The following FAM171B variants were observed in gnomAD, a reference collection of about 807,000 sequenced individuals.
FAM171B encodes protein FAM171B.
Under a neutral mutation model 75.6 loss-of-function variants are expected in FAM171B, and 19 were observed. The ratio of observed to expected loss-of-function variants is 0.25; its 90% CI spans 0.18 to 0.37. The LOEUF is 0.37. Ranked by LOEUF, FAM171B falls within the 10% of genes least tolerant of loss-of-function variation. The probability of loss-of-function intolerance (pLI) is 1.00; values close to 1 mark genes in which losing one functional copy is unlikely to be tolerated. For missense variants in FAM171B, 848 were observed against 982.4 expected, an observed-to-expected ratio of 0.86 and a Z score of 1.83; for synonymous variants, 367 against 361.7, an observed-to-expected ratio of 1.01 and a Z score of -0.17.
intron 1 of FAM171B, among the ~76,000 whole-genome samples, chr2:186,725,206 T>C (rs1322318074): frequency 2.0e-5 from 3 of 152,068 alleles, no homozygotes; most frequent in East Asian, 3.9e-4. Context: ...TAGCCGGGCG[T>C]GGTGGCAGGC....
At chr2:186,750,664 T>C (rs1219710308) in intron 4 of FAM171B, among the ~76,000 whole-genome samples, 1 of 148,832 alleles carries the variant, frequency 6.7e-6, no homozygotes, top group Non-Finnish European at 1.5e-5. Flanking sequence ...GTGCAACTTT[T>C]AATCTGAATG....
Position 186,743,542 on chromosome 2 carries a change from G to A in FAM171B, c.532G>A (p.Glu178Lys). The A allele has an allele frequency of 1.2e-6, 2 of 1,612,866 alleles. No individual in the cohort carries two copies. The highest frequency in any genetic ancestry group is 1.7e-6 in the Non-Finnish European group (2 of 1,179,124). The change falls in exon 3 of 8, where the codon GAA becomes AAA. Residue 178 changes from glutamate to lysine, a missense_variant. Physicochemically the swap from Glu to Lys is moderately conservative, Grantham distance 56. Transcript: ENST00000304698. ...AAGCCAAGCAAATATATGGCTATTT[G>A]AAGACACTGTTTTAATTACTGGAAA... is the stretch of plus-strand genomic sequence containing the variant. ...PQSQANIWLF[E>K]DTVLITGKLA...
At chr2:186,695,235 C>T (rs1574516290) in intron 1 of FAM171B, 1 of 152,178 alleles carries the variant, frequency 6.6e-6, no homozygotes, top group Non-Finnish European at 1.5e-5. Context: ...GTATAGGTGG[C>T]TGTAACAGTT....
rs1187889762 is a variant in FAM171B, at chr2:186,694,315, C to CAGT, written c.144_145insTAG (p.Gln48_Gln49insTer). 2 of 1,597,024 alleles carry CAGT rather than the reference C, an allele frequency of 1.3e-6. No individual in the cohort carries two copies. Among genetic ancestry groups the CAGT allele is most frequent in the African/African-American group, 2.9e-5 (2 of 69,320 alleles). ...CAGCCTCATCCAACAGCAGCAGCAG[C>CAGT]AGCAGCAACAACAACAACAACAGCA... On this transcript the variant is annotated stop_gained and inframe_insertion, in exon 1 of 8. Transcript: ENST00000304698. LOFTEE classifies it high-confidence loss of function.
Position 186,761,904 on chromosome 2 carries a change from C to T in FAM171B, c.1562C>T (p.Ala521Val), listed in dbSNP as rs766171472. 5.6e-5 allele frequency: 90 copies of T among 1,612,880 alleles called. No individual in the cohort carries two copies. Among genetic ancestry groups the T allele is most frequent in the Non-Finnish European group, 7.0e-5 (82 of 1,179,592 alleles). ...AGGTATCTCACAGGTAATGAGGAGG[C>T]GTATGGGCGTTCCCATATTCCTGAA... ...EKRYLTGNEEAYGRSHIPEQL... is the reference protein window; with the variant it reads ...EKRYLTGNEEVYGRSHIPEQL... The change falls in exon 8 of 8, where the codon GCG becomes GTG. Residue 521 changes from alanine (A) to valine (V), a missense_variant. By Grantham distance (64) the Ala-to-Val change is moderately conservative. This residue lies in a region of FAM171B where 665 missense variants were observed against 729.0 expected (regional missense o/e 0.91). Transcript: ENST00000304698.
intron 1 of FAM171B, among the ~76,000 whole-genome samples, chr2:186,718,168 A>G (rs915713725): frequency 6.9e-6 from 1 of 144,786 alleles, no homozygotes; most frequent in African/African-American, 2.6e-5. Flanking sequence ...TTGCTCCTAA[A>G]CTATTTCAAT....
chr2:186,746,263 CTGAGA>C (rs1225397489), intron 3 of FAM171B, among the ~76,000 whole-genome samples: 3 of 152,136 alleles, frequency 2.0e-5, no homozygotes, highest in African/African-American at 7.2e-5. Flanking sequence ...AATTCAGTTA[CTGAGA>C]TATTTATAAA....
At chr2:186,758,290 T>C (rs571911722) in intron 6 of FAM171B, among the ~76,000 whole-genome samples, 10 of 152,162 alleles carry the variant, frequency 6.6e-5, no homozygotes, top group Non-Finnish European at 1.5e-4. Flanking sequence ...TAAAAATAAA[T>C]GGTGAGGTGA....
At chr2:186,752,483 A>T (rs1574112500) in intron 5 of FAM171B, among the ~76,000 whole-genome samples, 1 of 152,184 alleles carries the variant, frequency 6.6e-6, no homozygotes, top group East Asian at 1.9e-4. Context: ...TAAGATTTGG[A>T]ATCTAGTCTG....
rs369284869 is a variant in FAM171B at position 186,697,134 on chromosome 2, C to A, written c.238+2723C>A. ...TTAGCAGGGGATTTATAAAGATAAA[C>A]GTTATGTAGGAAAGTTTGTAAGTAG... On this transcript the variant is annotated intron_variant, in intron 1 of 7. Coordinates refer to ENST00000304698, the MANE Select transcript of FAM171B (RefSeq NM_177454.4). Among the ~76,000 whole-genome samples, 16 of 151,970 alleles carry A rather than the reference C, an allele frequency of 1.1e-4. 2 individuals carry two copies. The highest frequency in any genetic ancestry group is 6.3e-3 in the Middle Eastern group (2 of 316).
chr2:186,743,262 T>C (rs1339400001), intron 2 of FAM171B, among the ~76,000 whole-genome samples: 2 of 152,176 alleles, frequency 1.3e-5, no homozygotes, highest in Admixed American at 6.5e-5. Context: ...ATTAGTAAAA[T>C]AAATAGTGAT....
chr2:186,696,714 T>TC (rs1476045151), intron 1 of FAM171B, among the ~76,000 whole-genome samples: 1 of 151,944 alleles, frequency 6.6e-6, no homozygotes, highest in African/African-American at 2.4e-5. Flanking sequence ...TGCCTGGAAT[T>TC]CTGGAACTTC....
At chr2:186,743,398 A>C (rs1690320971) in intron 2 of FAM171B, 85 bp from the exon 3 acceptor site, 3 of 851,758 alleles carry the variant, frequency 3.5e-6, no homozygotes. Flanking sequence ...ACACTTTTTG[A>C]GACTTGCTGT....
intron 1 of FAM171B, among the ~76,000 whole-genome samples, chr2:186,729,128 C>T (rs1403436912): frequency 6.6e-6 from 1 of 152,154 alleles, no homozygotes; most frequent in Non-Finnish European, 1.5e-5. Context: ...TCTTCTCCAG[C>T]AACCTCAGGA....
chr2:186,747,925 A>AT (rs938819476), intron 4 of FAM171B, among the ~76,000 whole-genome samples: 94 of 150,204 alleles, frequency 6.3e-4, no homozygotes, highest in African/African-American at 2.0e-3. Context: ...TTGTTCCACC[A>AT]TTTTTTTTTT....
intron 1 of FAM171B, among the ~76,000 whole-genome samples, chr2:186,697,341 T>C (rs545945999): frequency 6.6e-6 from 1 of 152,044 alleles, no homozygotes; most frequent in South Asian, 2.1e-4. Flanking sequence ...CTCAAGTCAG[T>C]CTCAACCTCC....
intron 1 of FAM171B, among the ~76,000 whole-genome samples, chr2:186,697,289 GT>G (rs778622140): frequency 5.3e-5 from 8 of 151,758 alleles, no homozygotes; most frequent in African/African-American, 1.7e-4. Context: ...AGAATTTGGG[GT>G]TTTTTTTGAG....
intron 1 of FAM171B, among the ~76,000 whole-genome samples, chr2:186,723,190 A>C (rs913400145): frequency 6.6e-6 from 1 of 152,210 alleles, no homozygotes; most frequent in African/African-American, 2.4e-5. Context: ...GTACCCTAGC[A>C]AATGGATCTA....
At chr2:186,755,864 A>G (rs567957291) in intron 6 of FAM171B, among the ~76,000 whole-genome samples, 2 of 152,304 alleles carry the variant, frequency 1.3e-5, no homozygotes, top group South Asian at 4.1e-4. Flanking sequence ...AGGATTATTT[A>G]TTCAGAAATC....
Sources: gnomAD v4.1 joint callset for allele counts (sites outside exome capture counted in the v4.1 genomes callset) on GRCh38, gnomAD v4.1.1 for gene constraint, gnomAD v4.1.1 regional missense constraint, MANE v1.5 for transcripts, NCBI Gene and HGNC (gene_info 2026-07-23, HGNC 2026-07-21) for gene names.